Variants in HCN1 observed in about 807,000 individuals in gnomAD.
HCN1 encodes hyperpolarization activated cyclic nucleotide gated potassium channel 1, also known as potassium/sodium hyperpolarization-activated cyclic nucleotide-gated channel 1.
Under a neutral mutation model 78.9 loss-of-function variants are expected in HCN1, and 13 were observed. The observed-to-expected ratio is 0.16, with a 90% CI of 0.11 to 0.26. The LOEUF (loss-of-function observed/expected upper bound fraction) is 0.26. HCN1 is among the 10% of genes least tolerant of loss of function. The pLI is 1.00. For missense variants in HCN1, 810 were observed against 1,154.3 expected, an observed-to-expected ratio of 0.70 and a Z score of 4.32; for synonymous variants, 552 against 455.5, an observed-to-expected ratio of 1.21 and a Z score of -2.70.
At chr5:45,346,355 G>A (rs1014323238) in intron 5 of HCN1, among the ~76,000 whole-genome samples, 2 of 152,184 alleles carry the variant, frequency 1.3e-5, no homozygotes, top group Non-Finnish European at 2.9e-5. Flanking sequence ...GGGCAAAGAA[G>A]TGTAAGAAAT....
At chr5:45,335,133 C>A (rs1746427357) in intron 5 of HCN1, among the ~76,000 whole-genome samples, 3 of 151,946 alleles carry the variant, frequency 2.0e-5, no homozygotes. Context: ...CTTCACAATC[C>A]ATTGTTTAAA....
intron 4 of HCN1, among the ~76,000 whole-genome samples, chr5:45,386,097 A>G (rs571768881): frequency 6.6e-6 from 1 of 152,282 alleles, no homozygotes; most frequent in South Asian, 2.1e-4. Context: ...ATTGTGCCAC[A>G]GCAGTGGGGA....
intron 3 of HCN1, among the ~76,000 whole-genome samples, chr5:45,407,697 T>G (rs1739951985): frequency 6.6e-6 from 1 of 152,026 alleles, no homozygotes; most frequent in Admixed American, 6.6e-5. Flanking sequence ...CTTTTTGTAT[T>G]TTTAGTAGAG....
At chr5:45,285,720 C>T (rs1745255789) in intron 6 of HCN1, among the ~76,000 whole-genome samples, 1 of 151,936 alleles carries the variant, frequency 6.6e-6, no homozygotes, top group African/African-American at 2.4e-5. Context: ...TAAAGATGTT[C>T]CTAATTGACT....
chr5:45,545,747 C>G (rs1743210053), intron 2 of HCN1, among the ~76,000 whole-genome samples: 1 of 152,236 alleles, frequency 6.6e-6, no homozygotes, highest in East Asian at 1.9e-4. Flanking sequence ...TGTCAAAGAT[C>G]AGAGGTACCT....
At chr5:45,373,503 A>G (rs1408530000) in intron 4 of HCN1, among the ~76,000 whole-genome samples, 1 of 140,836 alleles carries the variant, frequency 7.1e-6, no homozygotes, top group South Asian at 2.2e-4. Flanking sequence ...TATACATTAT[A>G]TACATCATCT....
chr5:45,639,252 C>CAGAATCAA (rs1745411089), intron 2 of HCN1, among the ~76,000 whole-genome samples: 1 of 151,992 alleles, frequency 6.6e-6, no homozygotes, highest in Non-Finnish European at 1.5e-5. Context: ...TAGAGGACAC[C>CAGAATCAA]TAGTGGTCTT....
chr5:45,436,155 T>C (rs1740557459), intron 3 of HCN1, among the ~76,000 whole-genome samples: 4 of 152,232 alleles, frequency 2.6e-5, no homozygotes, highest in African/African-American at 7.2e-5. Flanking sequence ...CTTCTGTGAA[T>C]GTCACTGGAG....
chr5:45,525,935 C>T (rs575751135), intron 2 of HCN1, among the ~76,000 whole-genome samples: 1 of 151,904 alleles, frequency 6.6e-6, no homozygotes, highest in Admixed American at 6.6e-5. Context: ...GATTAGTGTC[C>T]TTATAAGAAA....
chr5:45,615,402 C>G (rs2111985673), intron 2 of HCN1, among the ~76,000 whole-genome samples: 1 of 151,910 alleles, frequency 6.6e-6, no homozygotes, highest in East Asian at 1.9e-4. Flanking sequence ...TAAACCAAAG[C>G]CAGAAACAAT....
rs373350950 is a variant in HCN1 at position 45,461,903 on chromosome 5, T to C, written c.954A>G (p.Leu318=). 1.2e-6 allele frequency: 2 copies of C among 1,613,532 alleles called. No individual in the cohort carries two copies. The highest frequency in any genetic ancestry group is 8.5e-7 in the Non-Finnish European group (1 of 1,179,608). The change falls in exon 3 of 8, where the codon TTA becomes TTG. Residue 318 remains leucine (L), a synonymous_variant. Transcript: ENST00000303230. ...LCHWDGCLQF[L]VPLLQDFPPD... Reference sequence around the variant, plus strand: ...GTGGGAAGTCCTGCAGTAGTGGTACTAAGAACTGAAGACAACCATCCCAGT... The same window carrying C: ...GTGGGAAGTCCTGCAGTAGTGGTACCAAGAACTGAAGACAACCATCCCAGT...
At chr5:45,276,284 T>G (rs992396018) in intron 6 of HCN1, among the ~76,000 whole-genome samples, 1 of 152,090 alleles carries the variant, frequency 6.6e-6, no homozygotes, top group Non-Finnish European at 1.5e-5. Flanking sequence ...ATTTGTTTAA[T>G]GCAAAAATTC....
chr5:45,470,450 T>C (rs1741367915), intron 2 of HCN1, among the ~76,000 whole-genome samples: 1 of 151,910 alleles, frequency 6.6e-6, no homozygotes, highest in South Asian at 2.1e-4. Context: ...TTGGCAAATT[T>C]GCTAGCACCC....
rs1026755274 is a variant in HCN1 at position 45,528,434 on chromosome 5, T to A, written c.850-66427A>T. ...AGACCAAATAGTTTTCATTGTTGAG[T>A]TTTACTGGTTGATAACATATTTTGA... On this transcript the variant is annotated intron_variant, in intron 2 of 7. Transcript: ENST00000303230. Among the ~76,000 whole-genome samples the A allele has an allele frequency of 2.0e-5, 3 of 151,886 alleles. No individual in the cohort carries two copies. In the East Asian group the frequency reaches 5.8e-4, roughly 29 times the overall value.
chr5:45,389,347 C>T (rs1056114809), intron 4 of HCN1, among the ~76,000 whole-genome samples: 3 of 152,136 alleles, frequency 2.0e-5, no homozygotes, highest in Non-Finnish European at 2.9e-5. Flanking sequence ...TTTCACCCTA[C>T]AGTATTCCAT....
intron 6 of HCN1, among the ~76,000 whole-genome samples, chr5:45,301,743 A>G (rs1745625939): frequency 6.6e-6 from 1 of 151,546 alleles, no homozygotes. Flanking sequence ...AAAAAAAAGA[A>G]AGAAAAGCAT....
intron 6 of HCN1, among the ~76,000 whole-genome samples, chr5:45,282,804 G>A (rs1745194137): frequency 6.6e-6 from 1 of 152,088 alleles, no homozygotes; most frequent in African/African-American, 2.4e-5. Flanking sequence ...CTTTTCTTCA[G>A]TGTGTAGTGT....
chr5:45,527,075 GTC>G (rs1418043292), intron 2 of HCN1, among the ~76,000 whole-genome samples: 2 of 125,588 alleles, frequency 1.6e-5, no homozygotes, highest in African/African-American at 6.1e-5. Flanking sequence ...CTCTCTCTCT[GTC>G]TCTCTCACAC....
At chr5:45,420,598 T>G (rs1579882278) in intron 3 of HCN1, among the ~76,000 whole-genome samples, 2 of 152,116 alleles carry the variant, frequency 1.3e-5, no homozygotes, top group Non-Finnish European at 1.5e-5. Context: ...CCTTGGGTGG[T>G]CTTTCAACTT....
Sources: gnomAD v4.1 joint callset for allele counts (sites outside exome capture counted in the v4.1 genomes callset) on GRCh38, gnomAD v4.1.1 for gene constraint, MANE v1.5 for transcripts, NCBI Gene and HGNC (gene_info 2026-07-23, HGNC 2026-07-21) for gene names.